The following ZIK1 variants were observed in gnomAD, a reference collection of about 807,000 sequenced individuals.
ZIK1 encodes zinc finger protein interacting with K protein 1.
ZIK1 carries 12 observed loss-of-function variants against 10.7 expected under a neutral mutation model. The ratio of observed to expected loss-of-function variants is 1.12; its 90% CI spans 0.72 to 1.81. The LOEUF (loss-of-function observed/expected upper bound fraction) is 1.81. Ranked by LOEUF, ZIK1 falls within the 40% of genes most tolerant of loss-of-function variation. ZIK1 has a pLI of 0.00. For synonymous variants in ZIK1, 190 were observed against 205.0 expected, an observed-to-expected ratio of 0.93 and a Z score of 0.63; for missense variants, 497 against 585.7, an observed-to-expected ratio of 0.85 and a Z score of 1.56.
rs1036571048 is a variant in ZIK1, at chr19:57,593,289, C to T, written c.*2014C>T. ...TCTCTTGACCTCGTGATCCGCCCGC[C>T]TCAGCCTCCCGAAGTGCTGGGATTA... On this transcript the variant is annotated 3_prime_UTR_variant, in exon 4 of 4. Coordinates refer to ENST00000597850, the MANE Select transcript of ZIK1 (RefSeq NM_001010879.4). The T allele has an allele frequency of 6.6e-6, 1 of 152,098 alleles. No individual in the cohort carries two copies. Among genetic ancestry groups the T allele is most frequent in the East Asian group, 1.9e-4 (1 of 5,196 alleles). The allele number at this position is 152,098 out of a possible 1,614,324, so 9.4% of individuals were successfully genotyped here.
rs1294647960 is a variant in ZIK1, at chr19:57,585,228, C to T, written c.72+238C>T. ...ATAATGTGTAAGGTTGGCAGTGAAG[C>T]TGAGCTGATTCAGGGAAACACAACT... On this transcript the variant is annotated intron_variant, in intron 2 of 3. Coordinates refer to ENST00000597850, the MANE Select transcript of ZIK1 (RefSeq NM_001010879.4). 2.0e-5 allele frequency among the ~76,000 whole-genome samples: 3 copies of T among 152,196 alleles called. No homozygotes were observed. In the East Asian group the frequency reaches 5.8e-4, roughly 29 times the overall value.
chr19:57,588,505 T>C, intron 2 of ZIK1, 34 bp from the exon 3 acceptor site: 1 of 1,401,490 alleles, frequency 7.1e-7, no homozygotes, highest in Middle Eastern at 1.9e-4. Flanking sequence ...TGTGGAGGCG[T>C]TGATTGTGGA....
intron 3 of ZIK1, chr19:57,589,706 GGTGA>G (rs1191132926): frequency 1.0e-6 from 1 of 985,202 alleles, no homozygotes; most frequent in Non-Finnish European, 1.2e-6. Context: ...AAGACTATGT[GGTGA>G]GTTTTAGGAA....
At chr19:57,584,651 C>G (rs1978965232) in intron 1 of ZIK1, 19 of 1,379,770 alleles carry the variant, frequency 1.4e-5, no homozygotes, top group Non-Finnish European at 1.7e-5. Context: ...TGCTAGGAGC[C>G]GTGGAGGGTT....
In ZIK1 at chr19:57,584,238, G is replaced by C; in HGVS notation, c.-119G>C. The C allele has an allele frequency of 6.9e-6, 10 of 1,454,578 alleles. No individual in the cohort carries two copies. The highest frequency in any genetic ancestry group is 9.1e-6 in the Non-Finnish European group (10 of 1,100,354). 90.1% of individuals were successfully genotyped at this position (1,454,578 alleles called of 1,614,324 possible). A position where few individuals can be genotyped will look rare whatever the true frequency, so the allele number is the denominator to read the frequency against. Reference sequence around the variant, plus strand: ...CGACAGTCGGAAGGCGCGAGGGGAGGGGTCCTCCCGCTGAACAGTGGGGGT... The same window carrying C: ...CGACAGTCGGAAGGCGCGAGGGGAGCGGTCCTCCCGCTGAACAGTGGGGGT... On this transcript the variant is annotated 5_prime_UTR_variant, in exon 1 of 4. Coordinates refer to ENST00000597850, the MANE Select transcript of ZIK1 (RefSeq NM_001010879.4).
Position 57,590,037 on chromosome 19 carries a change from GA to G in ZIK1, c.227del (p.Glu76GlyfsTer10), listed in dbSNP as rs1214414085. The G allele has an allele frequency of 2.5e-6, 4 of 1,613,908 alleles. No individual in the cohort carries two copies. The African/African-American group carries it at 4.0e-5, about 16-fold the overall frequency. On this transcript the variant is annotated frameshift_variant, in exon 4 of 4. Coordinates refer to ENST00000597850, the MANE Select transcript of ZIK1 (RefSeq NM_001010879.4). LOFTEE classifies it low-confidence loss of function (END_TRUNC). Reference sequence around the variant, plus strand: ...TTGTGGCCATGGAACAGAGGATGAAGAGACACCTTCTGACCAGAATGTTTCT... The same window carrying G: ...TTGTGGCCATGGAACAGAGGATGAAGGACACCTTCTGACCAGAATGTTTCT... ...LGCGHGTEDE[E>X]TPSDQNVSVG...
In ZIK1 at chr19:57,584,196, G is replaced by T; in HGVS notation, c.-161G>T. 1 of 1,353,266 alleles carries T rather than the reference G, an allele frequency of 7.4e-7. No homozygotes were observed. The allele number at this position is 1,353,266 out of a possible 1,614,324, so 83.8% of individuals were successfully genotyped here. A position where few individuals can be genotyped will look rare whatever the true frequency, so the allele number is the denominator to read the frequency against. ...GGTGCATCCAGACCGTCAGAGCTTT[G>T]GGAGCGCTTTGTTTGGCGACAGTCG... is the stretch of plus-strand genomic sequence containing the variant. On this transcript the variant is annotated 5_prime_UTR_variant, in exon 1 of 4. Coordinates refer to ENST00000597850, the MANE Select transcript of ZIK1 (RefSeq NM_001010879.4).
In ZIK1 at chr19:57,585,771, C is replaced by T. The variant is rs543860142; in HGVS notation, c.72+781C>T. Among the ~76,000 whole-genome samples the T allele has an allele frequency of 1.3e-3, 204 of 152,160 alleles. 1 individual carries two copies. The highest frequency in any genetic ancestry group is 4.1e-3 in the African/African-American group (169 of 41,504). On this transcript the variant is annotated intron_variant, in intron 2 of 3. Coordinates refer to ENST00000597850, the MANE Select transcript of ZIK1 (RefSeq NM_001010879.4). ...TCACTCAGGCTGGAGTGCAGTGGCT[C>T]GATCTTGGCTCTTTGCAACCTCCAC... is the stretch of plus-strand genomic sequence containing the variant.
In ZIK1 at chr19:57,591,265, A is replaced by G. The variant is rs751044211; in HGVS notation, c.1454A>G (p.His485Arg). The change falls in exon 4 of 4, where the codon CAT becomes CGT. Residue 485 changes from histidine to arginine, a missense_variant. Transcript: ENST00000597850. Reference protein sequence around the residue: ...CSSLIHHQKCHNT With the variant: ...CSSLIHHQKCRNT Reference sequence around the variant, plus strand: ...AGCCTCATACATCACCAAAAATGTCATAACACATAGAGGCCTCATGAATGC... The same window carrying G: ...AGCCTCATACATCACCAAAAATGTCGTAACACATAGAGGCCTCATGAATGC... 5.6e-6 allele frequency: 9 copies of G among 1,608,768 alleles called. No homozygotes were observed. Among genetic ancestry groups the G allele is most frequent in the South Asian group, 1.1e-5 (1 of 90,664 alleles).
In ZIK1 at chr19:57,590,717, ATTAT is replaced by A; in HGVS notation, c.910_913del (p.Phe304AspfsTer206). 1 of 1,613,922 alleles carries A rather than the reference ATTAT, an allele frequency of 6.2e-7. No homozygotes were observed. Among genetic ancestry groups the A allele is most frequent in the Non-Finnish European group, 8.5e-7 (1 of 1,179,922 alleles). On this transcript the variant is annotated frameshift_variant, in exon 4 of 4. Transcript: ENST00000597850. LOFTEE classifies it low-confidence loss of function (END_TRUNC). ...CTTATGAGTGCAGCGAATGTGGAAA[ATTAT>A]TTAGACAAAACTCCAGCCTTGTTGA...
In ZIK1 at chr19:57,588,552, T is replaced by G; in HGVS notation, c.86T>G (p.Phe29Cys). 1 of 1,549,806 alleles carries G rather than the reference T, an allele frequency of 6.5e-7. No individual in the cohort carries two copies. The highest frequency in any genetic ancestry group is 2.4e-5 in the East Asian group (1 of 42,386). Reference sequence around the variant, plus strand: ...CCATCATGACAGGGCTGTGTGACCTTTGAGGACATCGCCATTTACTTCTCA... The same window carrying G: ...CCATCATGACAGGGCTGTGTGACCTGTGAGGACATCGCCATTTACTTCTCA... Reference protein sequence around the residue: ...HMDLTKGCVTFEDIAIYFSQD... With the variant: ...HMDLTKGCVTCEDIAIYFSQD... Residue 29 changes from phenylalanine (F) to cysteine (C), a missense_variant, in exon 3 of 4, where the codon TTT (phenylalanine) becomes TGT (cysteine). Transcript: ENST00000597850.
chr19:57,587,116 T>C (rs1979234996), intron 2 of ZIK1, among the ~76,000 whole-genome samples: 1 of 152,180 alleles, frequency 6.6e-6, no homozygotes, highest in Non-Finnish European at 1.5e-5. Context: ...GTGAGACTTA[T>C]TTACTATCAT....
At chr19:57,586,056 A>T (rs1290295366) in intron 2 of ZIK1, among the ~76,000 whole-genome samples, 1 of 152,124 alleles carries the variant, frequency 6.6e-6, no homozygotes, top group Admixed American at 6.5e-5. Flanking sequence ...TAAGGATAAC[A>T]GGAGTTTTGT....
intron 3 of ZIK1, among the ~76,000 whole-genome samples, chr19:57,589,063 AGTTTGTTT>A (rs112348106): frequency 7.9e-5 from 12 of 151,544 alleles, no homozygotes; most frequent in Admixed American, 2.6e-4. Flanking sequence ...CACTCCTTCT[AGTTTGTTT>A]GTTTGTTTGT....
Position 57,589,303 on chromosome 19 carries a change from G to A in ZIK1, c.199+638G>A, listed in dbSNP as rs1042928634. The A allele has an allele frequency of 7.1e-6, 7 of 985,224 alleles. No homozygotes were observed. The African/African-American group carries it at 1.2e-4, about 17-fold the overall frequency. The allele number at this position is 985,224 out of a possible 1,614,324, so 61.0% of individuals were successfully genotyped here. On this transcript the variant is annotated intron_variant, in intron 3 of 3. Transcript: ENST00000597850. ...CTTGTTGAGTGGCAACTGGTTGGGG[G>A]CATGATATCCGGGCTGTTTTCCGAT... is the stretch of plus-strand genomic sequence containing the variant.
At position 57,584,383 on chromosome 19, in the gene ZIK1, G is replaced by A; in HGVS notation, c.27G>A (p.Pro9=). ...TGGCTGCGGCCGCGCTGAGGGCCCC[G>A]ACTCAGGTGAGCGCTGCCTCTACTG... is the stretch of plus-strand genomic sequence containing the variant. The part of the protein sequence containing the change: MAAAALRA[P]TQVTVSPETH... The change falls in exon 1 of 4, where the codon CCG becomes CCA. Residue 9 remains proline (P), a synonymous_variant. Coordinates refer to ENST00000597850, the MANE Select transcript of ZIK1 (RefSeq NM_001010879.4). The A allele has an allele frequency of 1.2e-6, 2 of 1,607,686 alleles. No individual in the cohort carries two copies. The highest frequency in any genetic ancestry group is 1.7e-6 in the Non-Finnish European group (2 of 1,177,890).
chr19:57,589,734 C>G lies in ZIK1; in HGVS notation c.200-277C>G, dbSNP rs141566071. The G allele has an allele frequency of 5.8e-5, 57 of 978,926 alleles. No homozygotes were observed. The African/African-American group carries it at 8.4e-4, about 14-fold the overall frequency. 60.6% of individuals were successfully genotyped at this position (978,926 alleles called of 1,614,324 possible). A position where few individuals can be genotyped will look rare whatever the true frequency, so the allele number is the denominator to read the frequency against. On this transcript the variant is annotated intron_variant, in intron 3 of 3. Transcript: ENST00000597850. ...GAGTTTTAGGAATTGGAAGGCTACT[C>G]AAGGATAATTTTTGAGGCTGTTGGT...
intron 2 of ZIK1, among the ~76,000 whole-genome samples, chr19:57,585,254 C>T (rs1003080302): frequency 6.6e-6 from 1 of 152,232 alleles, no homozygotes; most frequent in African/African-American, 2.4e-5. Context: ...AAACACAACT[C>T]TCCTTTCTTT....
At position 57,588,551 on chromosome 19, in the gene ZIK1, T is replaced by C; in HGVS notation, c.85T>C (p.Phe29Leu). 6.5e-7 allele frequency: 1 copy of C among 1,548,672 alleles called. No homozygotes were observed. The highest frequency in any genetic ancestry group is 1.4e-5 in the African/African-American group (1 of 73,302). The change falls in exon 3 of 4, where the codon TTT (phenylalanine) becomes CTT (leucine). Residue 29 changes from phenylalanine to leucine, a missense_variant. Transcript: ENST00000597850. Reference protein sequence around the residue: ...HMDLTKGCVTFEDIAIYFSQD... With the variant: ...HMDLTKGCVTLEDIAIYFSQD... ...CCCATCATGACAGGGCTGTGTGACC[T>C]TTGAGGACATCGCCATTTACTTCTC...
Sources: gnomAD v4.1 joint callset for allele counts (sites outside exome capture counted in the v4.1 genomes callset) on GRCh38, gnomAD v4.1.1 for gene constraint, MANE v1.5 for transcripts, NCBI Gene and HGNC (gene_info 2026-07-23, HGNC 2026-07-21) for gene names.